ENPP1: variants seen among roughly 807,000 people sequenced by gnomAD.
ENPP1 encodes ectonucleotide pyrophosphatase/phosphodiesterase family member 1.
In ENPP1, 73 loss-of-function variants were observed where a neutral mutation model predicts 122.8. The ratio of observed to expected loss-of-function variants is 0.59; its 90% CI spans 0.49 to 0.72. ENPP1 has a LOEUF of 0.72. Among genes scored for constraint, ENPP1 ranks in the 30% least tolerant of loss-of-function variants. The pLI, the probability that ENPP1 is intolerant of heterozygous loss-of-function variation, is 0.00. For missense variants in ENPP1, 978 were observed against 1,128.1 expected (o/e 0.87, Z 1.91); for synonymous variants, 367 against 391.6 (o/e 0.94, Z 0.74).
chr6:131,869,854 TA>T (rs757712283), intron 13 of ENPP1, among the ~76,000 whole-genome samples: 27,091 of 99,018 alleles, frequency 0.27, 5,148 homozygotes, highest in African/African-American at 0.59. Flanking sequence ...AGACTTGGTC[TA>T]AAAAAAAAAA....
Position 131,891,399 on chromosome 6 carries a change from C to T in ENPP1, c.*888C>T, listed in dbSNP as rs886061069. On this transcript the variant is annotated 3_prime_UTR_variant, in exon 25 of 25. Transcript: ENST00000647893. Reference sequence around the variant, plus strand: ...TGTTTCTTTCTGTGCACAAGACTTACCCTACCAGCAGCAGAGCCATTCTCT... The same window carrying T: ...TGTTTCTTTCTGTGCACAAGACTTATCCTACCAGCAGCAGAGCCATTCTCT... 6.6e-6 allele frequency: 1 copy of T among 152,088 alleles called. No individual in the cohort carries two copies. Among genetic ancestry groups the T allele is most frequent in the Non-Finnish European group, 1.5e-5 (1 of 68,024 alleles). The allele number at this position is 152,088 out of a possible 1,614,324, so 9.4% of individuals were successfully genotyped here.
intron 14 of ENPP1, 82 bp downstream of exon 14, chr6:131,872,183 T>C (rs905705914): frequency 5.2e-6 from 5 of 953,986 alleles, no homozygotes; most frequent in Non-Finnish European, 8.4e-6. Flanking sequence ...GCATCTATTA[T>C]TGGGATTGAA....
chr6:131,861,692 A>G lies in ENPP1; in HGVS notation c.1013A>G (p.Lys338Arg). ...EINGIFPDIY[K>R]MYNGSVPFEE... ...AACGGAATTTTCCCAGACATCTATA[A>G]AATGTATAATGGGTATGTGAAATGA... The change falls in exon 9 of 25, where the codon AAA (lysine) becomes AGA (arginine). Residue 338 changes from lysine (K) to arginine (R), a missense_variant. Physicochemically the swap from Lys to Arg is conservative, Grantham distance 26 (BLOSUM62 2). This residue lies in a region of ENPP1 where 644 missense variants were observed against 781.5 expected (regional missense o/e 0.82). Transcript: ENST00000647893. The G allele has an allele frequency of 6.3e-7, 1 of 1,584,446 alleles. No individual in the cohort carries two copies. The highest frequency in any genetic ancestry group is 8.7e-7 in the Non-Finnish European group (1 of 1,152,778).
chr6:131,828,899 C>T (rs1218418854), intron 1 of ENPP1, among the ~76,000 whole-genome samples: 1 of 152,224 alleles, frequency 6.6e-6, no homozygotes, highest in South Asian at 2.1e-4. Context: ...TACTAGAAAT[C>T]CTCTGTTTAG....
intron 6 of ENPP1, among the ~76,000 whole-genome samples, chr6:131,856,445 T>C (rs545443491): frequency 1.3e-5 from 2 of 150,612 alleles, no homozygotes; most frequent in African/African-American, 5.0e-5. Context: ...AGGTTACCTG[T>C]TCACTCTGAT....
chr6:131,821,607 C>A (rs952937484), intron 1 of ENPP1, among the ~76,000 whole-genome samples: 14 of 152,220 alleles, frequency 9.2e-5, no homozygotes, highest in African/African-American at 2.9e-4. Context: ...TAATTGCCTT[C>A]TTTTACTCTG....
chr6:131,847,026 T>G (rs1028040523), intron 1 of ENPP1, among the ~76,000 whole-genome samples: 36 of 152,300 alleles, frequency 2.4e-4, no homozygotes, highest in Admixed American at 7.2e-4. Flanking sequence ...TAAACTGGTA[T>G]CTAGAAAGCT....
rs778499032 is a variant in ENPP1 at position 131,886,636 on chromosome 6, A to C, written c.2519A>C (p.Asp840Ala). ...TTTATTGTGCTAACAAGCTGTAAAG[A>C]TACATCTCAGACGCCTTTGCACTGT... ...HFFIVLTSCK[D>A]TSQTPLHCEN... Residue 840 changes from aspartate (D) to alanine (A), a missense_variant, in exon 24 of 25, where the codon GAT becomes GCT. Asp to Ala is a moderately radical substitution (Grantham distance 126, BLOSUM62 -2). Transcript: ENST00000647893. The C allele has an allele frequency of 1.2e-6, 2 of 1,614,006 alleles. No homozygotes were observed. Among genetic ancestry groups the C allele is most frequent in the South Asian group, 2.2e-5 (2 of 91,082 alleles).
At chr6:131,843,518 T>C (rs897181155) in intron 1 of ENPP1, among the ~76,000 whole-genome samples, 2 of 152,208 alleles carry the variant, frequency 1.3e-5, no homozygotes, top group African/African-American at 4.8e-5. Context: ...CATAGTAGTT[T>C]TCCTGTCCAT....
At chr6:131,872,601 C>A (rs1782176126) in intron 14 of ENPP1, among the ~76,000 whole-genome samples, 1 of 152,048 alleles carries the variant, frequency 6.6e-6, no homozygotes, top group African/African-American at 2.4e-5. Context: ...TGAATATAAT[C>A]TAGTGACACT....
chr6:131,870,671 AT>A (rs1173765341), intron 13 of ENPP1, among the ~76,000 whole-genome samples: 1 of 152,208 alleles, frequency 6.6e-6, no homozygotes, highest in Non-Finnish European at 1.5e-5. Flanking sequence ...ATGCAGATAG[AT>A]TTACACAGTG....
intron 1 of ENPP1, chr6:131,828,038 A>G: frequency 4.5e-6 from 3 of 671,344 alleles, no homozygotes; most frequent in Non-Finnish European, 8.5e-6. Context: ...CAGTGTGTGC[A>G]AGAGCACCAG....
At position 131,892,257 on chromosome 6, in the gene ENPP1, T is replaced by C. The variant is rs534749917; in HGVS notation, c.*1746T>C. 1 of 152,332 alleles carries C rather than the reference T, an allele frequency of 6.6e-6. No homozygotes were observed. The highest frequency in any genetic ancestry group is 2.4e-5 in the African/African-American group (1 of 41,574). 9.4% of individuals were successfully genotyped at this position (152,332 alleles called of 1,614,324 possible). On this transcript the variant is annotated 3_prime_UTR_variant, in exon 25 of 25. Transcript: ENST00000647893. The stretch of plus-strand genomic sequence containing the variant: ...ATGTTATGAGACTATGGGTCTTATT[T>C]AAACCTTCTGCTTTAGCCAACTTTC...
intron 6 of ENPP1, among the ~76,000 whole-genome samples, chr6:131,857,708 A>G (rs964847032): frequency 5.9e-5 from 9 of 152,166 alleles, no homozygotes; most frequent in Admixed American, 3.3e-4. Context: ...CTAGATGACG[A>G]GTTAGTGGGT....
intron 1 of ENPP1, chr6:131,828,020 G>C (rs1407232482): frequency 1.5e-6 from 1 of 678,798 alleles, no homozygotes; most frequent in Non-Finnish European, 2.8e-6. Context: ...GCTGCAGGCT[G>C]CAAAGAACAG....
intron 21 of ENPP1, among the ~76,000 whole-genome samples, 176 bp downstream of exon 21, chr6:131,882,650 T>G (rs999448601): frequency 1.5e-4 from 9 of 58,470 alleles, no homozygotes; most frequent in South Asian, 7.4e-4. Context: ...ATATTACTAT[T>G]TTATATATAT....
rs376728376 is a variant in ENPP1, at chr6:131,892,902, C to G, written c.*2391C>G. 9 of 151,882 alleles carry G rather than the reference C, an allele frequency of 5.9e-5. 1 individual carries two copies. Among genetic ancestry groups the G allele is most frequent in the African/African-American group, 2.2e-4 (9 of 41,352 alleles). The allele number at this position is 151,882 out of a possible 1,614,324, so 9.4% of individuals were successfully genotyped here. ...AGGAGAGAGCAGGACTCTCTTAGGG[C>G]TTTTTTTTCCCCTGCATTTATTGAC... On this transcript the variant is annotated 3_prime_UTR_variant, in exon 25 of 25. Coordinates refer to ENST00000647893, the MANE Select transcript of ENPP1 (RefSeq NM_006208.3).
chr6:131,813,922 A>C (rs1781386535), intron 1 of ENPP1, among the ~76,000 whole-genome samples: 1 of 152,150 alleles, frequency 6.6e-6, no homozygotes, highest in Non-Finnish European at 1.5e-5. Context: ...AGGTGCATGG[A>C]TCTTTCCATT....
intron 1 of ENPP1, among the ~76,000 whole-genome samples, chr6:131,833,710 T>G (rs926100988): frequency 1.3e-5 from 2 of 152,206 alleles, no homozygotes; most frequent in African/African-American, 4.8e-5. Flanking sequence ...CTTCAAGATC[T>G]TTTTTCTCAA....
Sources: allele counts gnomAD v4.1 joint callset (sites outside exome capture counted in the v4.1 genomes callset), GRCh38; gene constraint gnomAD v4.1.1; regional missense constraint gnomAD v4.1.1; transcripts MANE v1.5; gene names NCBI Gene and HGNC (gene_info 2026-07-23, HGNC 2026-07-21).